Variants in MED16 observed in about 807,000 individuals in gnomAD.
The protein encoded by MED16 is mediator of RNA polymerase II transcription subunit 16.
In MED16, 81 loss-of-function variants were observed where a neutral mutation model predicts 84.4. That is an observed-to-expected ratio of 0.96 (90% CI 0.80 to 1.15). The LOEUF (loss-of-function observed/expected upper bound fraction) is 1.15. Ranked by LOEUF, MED16 falls within the 50% of genes most tolerant of loss-of-function variation. MED16 has a pLI of 0.00. For missense variants in MED16, 1,585 were observed against 1,245.9 expected, an observed-to-expected ratio of 1.27 and a Z score of -4.10; for synonymous variants, 897 against 552.2, an observed-to-expected ratio of 1.62 and a Z score of -8.76.
chr19:880,721 A>T (rs1173312120), intron 7 of MED16, among the ~76,000 whole-genome samples: 2 of 152,126 alleles, frequency 1.3e-5, no homozygotes, highest in East Asian at 3.9e-4. Flanking sequence ...GGGGTTCGAG[A>T]CCAGCCTGGG....
rs1335414412 is a variant in MED16 at position 868,148 on chromosome 19, T to G, written c.2587A>C (p.Arg863=). 6.2e-7 allele frequency: 1 copy of G among 1,611,664 alleles called. No homozygotes were observed. The highest frequency in any genetic ancestry group is 1.3e-5 in the African/African-American group (1 of 74,912). The stretch of plus-strand genomic sequence containing the variant: ...AGATGGTCCAGGGATCTGGGGGTCC[T>G]GGGAGAGTGGTGTGTGGACTGCGGG... ...LGPQSTHHSP[R]TPRSLDHLHP... The change falls in exon 16 of 16, where the codon AGG becomes CGG. Residue 863 remains arginine (R), a synonymous_variant. Coordinates refer to ENST00000325464, the MANE Select transcript of MED16 (RefSeq NM_005481.3).
At chr19:873,616 C>G in intron 10 of MED16, 34 bp from the exon 11 acceptor site, 1 of 1,608,966 alleles carries the variant, frequency 6.2e-7, no homozygotes. Context: ...CAGCTCGGGC[C>G]TCTTGTACAC....
In MED16 at chr19:877,284, G is replaced by A. The variant is rs1195431578; in HGVS notation, c.1354-104C>T. 4.6e-6 allele frequency: 5 copies of A among 1,085,360 alleles called. No individual in the cohort carries two copies. The African/African-American group carries it at 8.8e-5, about 19-fold the overall frequency. 67.2% of individuals were successfully genotyped at this position (1,085,360 alleles called of 1,614,324 possible). A position where few individuals can be genotyped will look rare whatever the true frequency, so the allele number is the denominator to read the frequency against. ...CTGCGGCACGTGTGTGGATCTGTGT[G>A]CGCGCACGCCCGTGTGTGGGCCTGT... On this transcript the variant is annotated intron_variant, in intron 8 of 15. Transcript: ENST00000325464.
chr19:888,725 T>A (rs186596242), intron 4 of MED16, among the ~76,000 whole-genome samples: 4 of 151,252 alleles, frequency 2.6e-5, no homozygotes, highest in African/African-American at 9.7e-5. Context: ...GGGTGGGGAG[T>A]GCACCCCGGA....
At chr19:887,419 G>C (rs1396505228) in intron 4 of MED16, among the ~76,000 whole-genome samples, 1 of 152,184 alleles carries the variant, frequency 6.6e-6, no homozygotes, top group Non-Finnish European at 1.5e-5. Flanking sequence ...TGTAATCTCA[G>C]CACTTTGGGA....
intron 12 of MED16, chr19:871,539 TA>T: frequency 6.3e-7 from 1 of 1,579,216 alleles, no homozygotes; most frequent in South Asian, 1.1e-5. Context: ...CACTGGGATG[TA>T]AGAATGACAC....
intron 4 of MED16, among the ~76,000 whole-genome samples, chr19:886,839 G>T (rs1474169467): frequency 2.6e-5 from 4 of 152,218 alleles, no homozygotes; most frequent in Non-Finnish European, 5.9e-5. Flanking sequence ...ACTTTGGGGG[G>T]CTGAGGCAGG....
intron 12 of MED16, chr19:871,580 G>T: frequency 1.3e-6 from 2 of 1,595,288 alleles, no homozygotes; most frequent in Middle Eastern, 1.7e-4. Context: ...CACACAACCC[G>T]ACAAGGAGAG....
At chr19:883,146 G>C (rs893996308) in intron 6 of MED16, among the ~76,000 whole-genome samples, 1 of 152,246 alleles carries the variant, frequency 6.6e-6, no homozygotes, top group Admixed American at 6.5e-5. Context: ...TCCTAAATGA[G>C]GGGGGACTTG....
intron 10 of MED16, among the ~76,000 whole-genome samples, chr19:874,035 A>G (rs1243183675): frequency 1.3e-5 from 2 of 152,032 alleles, no homozygotes; most frequent in Admixed American, 6.5e-5. Context: ...CACAGAACTA[A>G]CCATGACTGT....
At chr19:869,146 A>G (rs1312932438) in intron 13 of MED16, among the ~76,000 whole-genome samples, 200 bp from the exon 14 acceptor site, 1 of 151,772 alleles carries the variant, frequency 6.6e-6, no homozygotes. Context: ...GGGACCCCCC[A>G]CACGGAGGAG....
intron 13 of MED16, among the ~76,000 whole-genome samples, chr19:870,515 G>A (rs114607709): frequency 0.02 from 2,955 of 151,118 alleles, 84 homozygotes; most frequent in African/African-American, 0.067. Flanking sequence ...GGGCCAAGAC[G>A]GCACTACTGC....
At chr19:869,336 A>C (rs2035992491) in intron 13 of MED16, among the ~76,000 whole-genome samples, 1 of 146,590 alleles carries the variant, frequency 6.8e-6, no homozygotes, top group South Asian at 2.2e-4. Flanking sequence ...CTTCCACACC[A>C]CCTCTGCCCA....
chr19:891,992 G>A (rs1232113621), intron 1 of MED16, among the ~76,000 whole-genome samples: 20 of 136,006 alleles, frequency 1.5e-4, no homozygotes, highest in Admixed American at 1.3e-3. Context: ...TGGCCGAGGC[G>A]GGGCTGAGTG....
intron 8 of MED16, among the ~76,000 whole-genome samples, chr19:878,641 C>T (rs1298469133): frequency 1.4e-5 from 2 of 145,688 alleles, no homozygotes; most frequent in East Asian, 2.2e-4. Context: ...GCCCCACGTG[C>T]CCCAGCAGCT....
chr19:873,597 G>A lies in MED16; in HGVS notation c.1772-15C>T. 2 of 1,611,772 alleles carry A rather than the reference G, an allele frequency of 1.2e-6. No homozygotes were observed. The highest frequency in any genetic ancestry group is 1.7e-5 in the Admixed American group (1 of 59,988). On this transcript the variant is annotated splice_polypyrimidine_tract_variant and intron_variant, in intron 10 of 15. Transcript: ENST00000325464. ...CTTGTCAATGTCTACAAGGAGACGT[G>A]GGTCGGGTCAGCTCGGGCCTCTTGT...
At chr19:871,537 T>C (rs761947243) in intron 12 of MED16, 6 of 1,577,394 alleles carry the variant, frequency 3.8e-6, no homozygotes, top group Non-Finnish European at 5.1e-6. Flanking sequence ...GACACTGGGA[T>C]GTAAGAATGA....
chr19:875,562 C>T, intron 9 of MED16, 108 bp from the exon 10 acceptor site: 1 of 852,094 alleles, frequency 1.2e-6, no homozygotes, highest in South Asian at 1.7e-5. Context: ...GCTCGGTCAG[C>T]TGGGCAAGCT....
intron 11 of MED16, chr19:872,910 T>TA (rs1377110205): frequency 9.8e-7 from 1 of 1,019,032 alleles, no homozygotes; most frequent in African/African-American, 1.9e-5. Context: ...AAAGGCTTCT[T>TA]ACAGCAGAGG....
Sources: allele counts gnomAD v4.1 joint callset (sites outside exome capture counted in the v4.1 genomes callset), GRCh38; gene constraint gnomAD v4.1.1; transcripts MANE v1.5; gene names NCBI Gene and HGNC (gene_info 2026-07-23, HGNC 2026-07-21).